The following CAMKMT variants were observed in gnomAD, a reference collection of about 807,000 sequenced individuals.
CAMKMT encodes the protein CaM KMT.
CAMKMT carries 53 observed loss-of-function variants against 48.0 expected under a neutral mutation model. That is an observed-to-expected ratio of 1.10 (90% CI 0.89 to 1.39). CAMKMT has a LOEUF of 1.39. CAMKMT is among the 40% of genes most tolerant of loss of function. The pLI, the probability that CAMKMT is intolerant of heterozygous loss-of-function variation, is 0.00. For synonymous variants in CAMKMT, 165 were observed against 152.3 expected, an observed-to-expected ratio of 1.08 and a Z score of -0.61; for missense variants, 428 against 402.7, an observed-to-expected ratio of 1.06 and a Z score of -0.54.
At chr2:44,461,305 CT>C (rs1231858457) in intron 3 of CAMKMT, among the ~76,000 whole-genome samples, 1 of 152,088 alleles carries the variant, frequency 6.6e-6, no homozygotes, top group Non-Finnish European at 1.5e-5. Context: ...TGTGCTGGCT[CT>C]CTTCTAAGCA....
intron 3 of CAMKMT, among the ~76,000 whole-genome samples, chr2:44,484,685 A>G (rs1669129434): frequency 1.3e-5 from 1 of 78,372 alleles, no homozygotes; most frequent in Non-Finnish European, 2.7e-5. Flanking sequence ...GATATCTTAA[A>G]TAGGACAAAA....
At chr2:44,730,817 G>A (rs961507006) in intron 7 of CAMKMT, among the ~76,000 whole-genome samples, 9 of 152,302 alleles carry the variant, frequency 5.9e-5, no homozygotes, top group African/African-American at 2.2e-4. Context: ...AGTGAGCTGT[G>A]CCAACATAGA....
intron 3 of CAMKMT, among the ~76,000 whole-genome samples, chr2:44,448,557 G>C (rs1667125897): frequency 6.6e-6 from 1 of 152,130 alleles, no homozygotes; most frequent in Non-Finnish European, 1.5e-5. Flanking sequence ...TTAAGCCTTG[G>C]TATTATGAGA....
chr2:44,762,317 G>A (rs938620827), intron 9 of CAMKMT, among the ~76,000 whole-genome samples: 8 of 152,158 alleles, frequency 5.3e-5, no homozygotes, highest in Admixed American at 1.3e-4. Flanking sequence ...ACAAGACCTC[G>A]TCTTTATAAA....
At chr2:44,388,265 ATTTC>A (rs1410619121) in intron 2 of CAMKMT, among the ~76,000 whole-genome samples, 1 of 152,048 alleles carries the variant, frequency 6.6e-6, no homozygotes, top group African/African-American at 2.4e-5. Flanking sequence ...TGAGCTCGGA[ATTTC>A]TTTCTTCTAC....
intron 3 of CAMKMT, among the ~76,000 whole-genome samples, chr2:44,562,599 CACCTAG>C (rs1216781081): frequency 2.6e-5 from 4 of 152,116 alleles, no homozygotes; most frequent in Non-Finnish European, 5.9e-5. Context: ...CTCACTCTGT[CACCTAG>C]GCTGGAGTGC....
At chr2:44,420,316 T>A (rs915130110) in intron 3 of CAMKMT, among the ~76,000 whole-genome samples, 3 of 152,152 alleles carry the variant, frequency 2.0e-5, no homozygotes, top group African/African-American at 7.2e-5. Context: ...ATATTGTTTT[T>A]ATCTTTCTTT....
chr2:44,444,571 C>A (rs898608844), intron 3 of CAMKMT, among the ~76,000 whole-genome samples: 4 of 152,132 alleles, frequency 2.6e-5, no homozygotes, highest in Admixed American at 6.6e-5. Flanking sequence ...TGTGTATAAG[C>A]CACAAATTAG....
At chr2:44,568,226 G>GC (rs1237812310) in intron 3 of CAMKMT, among the ~76,000 whole-genome samples, 2 of 151,750 alleles carry the variant, frequency 1.3e-5, no homozygotes, top group East Asian at 1.9e-4. Flanking sequence ...AACAAGCTGA[G>GC]CCTGAATTGA....
At chr2:44,521,885 G>A (rs1671132889) in intron 3 of CAMKMT, among the ~76,000 whole-genome samples, 1 of 152,036 alleles carries the variant, frequency 6.6e-6, no homozygotes, top group East Asian at 1.9e-4. Context: ...AAATAAGATA[G>A]AATTGTGGTA....
intron 1 of CAMKMT, among the ~76,000 whole-genome samples, chr2:44,362,558 C>G (rs1434487199): frequency 6.6e-6 from 1 of 152,212 alleles, no homozygotes; most frequent in African/African-American, 2.4e-5. Context: ...CGATATTCGT[C>G]TGCACCCTCT....
intron 3 of CAMKMT, among the ~76,000 whole-genome samples, chr2:44,627,358 C>G (rs1390242823): frequency 6.6e-6 from 1 of 151,976 alleles, no homozygotes; most frequent in African/African-American, 2.4e-5. Flanking sequence ...ATTATAGTTT[C>G]TTTTTGTCTG....
At chr2:44,532,500 G>T (rs181332172) in intron 3 of CAMKMT, among the ~76,000 whole-genome samples, 1 of 152,178 alleles carries the variant, frequency 6.6e-6, no homozygotes, top group East Asian at 1.9e-4. Context: ...ACTATAGTCA[G>T]CTTCTGTATT....
In CAMKMT at chr2:44,456,717, A is replaced by G. The variant is rs80082195; in HGVS notation, c.376+66412A>G. The G allele has an allele frequency of 2.3e-3, 2,278 of 982,648 alleles. 5 individuals are homozygous for G. Among genetic ancestry groups the G allele is most frequent in the Non-Finnish European group, 2.6e-3 (1,795 of 685,870 alleles). 60.9% of individuals were successfully genotyped at this position (982,648 alleles called of 1,614,324 possible). ...ACCTCTGCTTGTCTTCATGATCTTC[A>G]TTACAATCATAGCAGAAATCCTCAT... is the stretch of plus-strand genomic sequence containing the variant. On this transcript the variant is annotated intron_variant, in intron 3 of 10. Coordinates refer to ENST00000378494, the MANE Select transcript of CAMKMT (RefSeq NM_024766.5).
At chr2:44,406,296 C>A (rs537461589) in intron 3 of CAMKMT, among the ~76,000 whole-genome samples, 2 of 151,608 alleles carry the variant, frequency 1.3e-5, no homozygotes, top group Non-Finnish European at 2.9e-5. Context: ...TTTTAATTAC[C>A]ATTTTTTAAA....
rs985107030 is a variant in CAMKMT, at chr2:44,657,014, C to T, written c.377-47269C>T. Among the ~76,000 whole-genome samples, 2 of 152,166 alleles carry T rather than the reference C, an allele frequency of 1.3e-5. No individual in the cohort carries two copies. Among genetic ancestry groups the T allele is most frequent in the African/African-American group, 4.8e-5 (2 of 41,428 alleles). On this transcript the variant is annotated intron_variant, in intron 3 of 10. Coordinates refer to ENST00000378494, the MANE Select transcript of CAMKMT (RefSeq NM_024766.5). The surrounding 1 kb of genome is among the most constrained non-coding windows in gnomAD (Gnocchi z 4.3). ...CAAAACTAAAATGATTGATTTTTGACAGGGACATTCTGAATCCAGACTGGG... is the reference window on the plus strand; with the variant it reads ...CAAAACTAAAATGATTGATTTTTGATAGGGACATTCTGAATCCAGACTGGG...
At chr2:44,511,136 T>C (rs1413379780) in intron 3 of CAMKMT, among the ~76,000 whole-genome samples, 1 of 152,134 alleles carries the variant, frequency 6.6e-6, no homozygotes, top group Non-Finnish European at 1.5e-5. Context: ...CCACTGTGCC[T>C]GGCCCATTAT....
intron 4 of CAMKMT, chr2:44,705,287 C>T: frequency 1.1e-6 from 1 of 917,310 alleles, no homozygotes; most frequent in Non-Finnish European, 1.3e-6. Context: ...CTCTCCCTCT[C>T]TTTTAATTTT....
chr2:44,438,123 A>G (rs1294312991), intron 3 of CAMKMT, among the ~76,000 whole-genome samples: 2 of 152,164 alleles, frequency 1.3e-5, no homozygotes, highest in Admixed American at 6.5e-5. Flanking sequence ...GAGGTTAAGT[A>G]ATTTCTTAAC....
Sources: allele counts gnomAD v4.1 joint callset (sites outside exome capture counted in the v4.1 genomes callset), GRCh38; gene constraint gnomAD v4.1.1; non-coding constraint Gnocchi (gnomAD v3.1); transcripts MANE v1.5; gene names NCBI Gene and HGNC (gene_info 2026-07-23, HGNC 2026-07-21).